Variants in RBFOX3 observed in about 807,000 individuals in gnomAD.
RBFOX3 encodes RNA binding protein fox-1 homolog 3.
In RBFOX3, 17 loss-of-function variants were observed where a neutral mutation model predicts 48.7. That is an observed-to-expected ratio of 0.35 (90% CI 0.24 to 0.52). The LOEUF (loss-of-function observed/expected upper bound fraction) is 0.52. RBFOX3 is among the 20% of genes least tolerant of loss of function. The pLI is 0.94. For missense variants in RBFOX3, 382 were observed against 497.5 expected (o/e 0.77, Z 2.21); for synonymous variants, 212 against 209.5 (o/e 1.01, Z -0.10).
intron 2 of RBFOX3, among the ~76,000 whole-genome samples, chr17:79,463,554 C>T (rs2075824718): frequency 6.9e-6 from 1 of 145,128 alleles, no homozygotes; most frequent in Non-Finnish European, 1.5e-5. Context: ...ACCATCACCA[C>T]TGACACCTCC....
intron 4 of RBFOX3, among the ~76,000 whole-genome samples, chr17:79,118,041 C>G (rs142655152): frequency 3.9e-5 from 6 of 152,050 alleles, no homozygotes; most frequent in African/African-American, 9.7e-5. Flanking sequence ...AGGGTGGGTG[C>G]GCATAGCTGG....
intron 4 of RBFOX3, among the ~76,000 whole-genome samples, chr17:79,232,441 G>A (rs1275187389): frequency 6.6e-6 from 1 of 152,184 alleles, no homozygotes; most frequent in Non-Finnish European, 1.5e-5. Flanking sequence ...CAGGCCAACA[G>A]ATCCAAGAAA....
At chr17:79,496,024 C>T (rs2081483204) in intron 1 of RBFOX3, among the ~76,000 whole-genome samples, 1 of 151,980 alleles carries the variant, frequency 6.6e-6, no homozygotes, top group African/African-American at 2.4e-5. Flanking sequence ...GACATGTTCT[C>T]CGAGACTGGC....
intron 3 of RBFOX3, among the ~76,000 whole-genome samples, chr17:79,296,839 CT>C (rs1245216862): frequency 1.5e-5 from 2 of 129,672 alleles, no homozygotes; most frequent in Non-Finnish European, 1.7e-5. Context: ...TTCCTCCCCC[CT>C]CCTCCCCCTC....
chr17:79,180,900 C>T (rs895849737), intron 4 of RBFOX3, among the ~76,000 whole-genome samples: 1 of 152,150 alleles, frequency 6.6e-6, no homozygotes, highest in African/African-American at 2.4e-5. Flanking sequence ...GCTATGGCTC[C>T]GTGGACATCT....
At chr17:79,559,947 C>G (rs1318588212) in intron 1 of RBFOX3, among the ~76,000 whole-genome samples, 1 of 98,296 alleles carries the variant, frequency 1.0e-5, no homozygotes, top group Non-Finnish European at 2.0e-5. Flanking sequence ...GGTGGATGGT[C>G]GGTGGTGAAT....
At chr17:79,357,665 A>G (rs1327148300) in intron 2 of RBFOX3, among the ~76,000 whole-genome samples, 1 of 142,698 alleles carries the variant, frequency 7.0e-6, no homozygotes, top group Non-Finnish European at 1.5e-5. Context: ...AAACTCTGAA[A>G]GACGACTTCA....
In RBFOX3 at chr17:79,410,695, C is replaced by T. The variant is rs141039496; in HGVS notation, c.-175+71759G>A. On this transcript the variant is annotated intron_variant, in intron 2 of 14. Transcript: ENST00000693108. ...AGTGGCCTTCAGAAAAATGGTGTTG[C>T]TTAAGCCCCTGAGCTGGAGGTGTTT... Among the ~76,000 whole-genome samples, 393 of 152,304 alleles carry T rather than the reference C, an allele frequency of 2.6e-3. 3 individuals are homozygous for T. In the Middle Eastern group the frequency reaches 0.031, roughly 12 times the overall value.
intron 3 of RBFOX3, among the ~76,000 whole-genome samples, chr17:79,276,384 T>TA (rs1310979693): frequency 1.1e-4 from 17 of 152,126 alleles, no homozygotes; most frequent in African/African-American, 4.1e-4. Context: ...AGCTGCTTTT[T>TA]TAAAAAAATA....
intron 1 of RBFOX3, among the ~76,000 whole-genome samples, chr17:79,606,336 A>G (rs386829732): frequency 0.21 from 31,972 of 152,120 alleles, 6,479 homozygotes; most frequent in African/African-American, 0.53. Flanking sequence ...GAGTCCTATC[A>G]CACAGTGGAG....
At chr17:79,151,995 C>T (rs1176785379) in intron 4 of RBFOX3, among the ~76,000 whole-genome samples, 2 of 151,564 alleles carry the variant, frequency 1.3e-5, no homozygotes, top group East Asian at 3.9e-4. Flanking sequence ...CCCCAAGGCC[C>T]CCTGTCCCGC....
At chr17:79,376,381 G>T (rs1013576906) in intron 2 of RBFOX3, among the ~76,000 whole-genome samples, 3 of 152,168 alleles carry the variant, frequency 2.0e-5, no homozygotes, top group Admixed American at 1.3e-4. Context: ...GGAGAGGGAA[G>T]GTGGGGGTGG....
At position 79,106,452 on chromosome 17, in the gene RBFOX3, G is replaced by A. The variant is rs568966991; in HGVS notation, c.360+199C>T. 9.9e-5 allele frequency among the ~76,000 whole-genome samples: 15 copies of A among 152,008 alleles called. No homozygotes were observed. The East Asian group carries it at 1.9e-3, about 20-fold the overall frequency. ...TCAGCTTGAGGCCTTCCTCTTCCCC[G>A]CCACCGTCCCAGCAGGTTCAGGTCA... is the stretch of plus-strand genomic sequence containing the variant. On this transcript the variant is annotated intron_variant, in intron 6 of 14. Transcript: ENST00000693108.
chr17:79,404,098 G>A (rs559735270), intron 2 of RBFOX3, among the ~76,000 whole-genome samples: 1 of 152,268 alleles, frequency 6.6e-6, no homozygotes, highest in Admixed American at 6.5e-5. Flanking sequence ...ATTTTCTATG[G>A]TCCTCTCTTC....
intron 2 of RBFOX3, among the ~76,000 whole-genome samples, chr17:79,387,926 GCGTGTGCATGTGTACA>G (rs889200976): frequency 3.3e-4 from 50 of 152,306 alleles, no homozygotes; most frequent in African/African-American, 1.2e-3. Context: ...GTGCATACAT[GCGTGTGCATGTGTACA>G]TGTGTGCATG....
the RBFOX3 span, among the ~76,000 whole-genome samples, chr17:79,630,280 G>T: frequency 6.6e-6 from 1 of 152,196 alleles, no homozygotes; most frequent in African/African-American, 2.4e-5. Context: ...AAACACGGTC[G>T]GCCAAGCATG....
At chr17:79,537,811 C>A (rs1024321816) in intron 1 of RBFOX3, among the ~76,000 whole-genome samples, 10 of 152,154 alleles carry the variant, frequency 6.6e-5, no homozygotes, top group African/African-American at 2.4e-4. Context: ...TTGGGCCAGG[C>A]CAGCCCCAGG....
intron 4 of RBFOX3, among the ~76,000 whole-genome samples, chr17:79,188,079 A>G (rs971958024): frequency 6.6e-6 from 1 of 152,230 alleles, no homozygotes; most frequent in African/African-American, 2.4e-5. Context: ...CCCTGCAAGC[A>G]GGGGTGAAGC....
chr17:79,197,665 G>A (rs2055923583), intron 4 of RBFOX3, among the ~76,000 whole-genome samples: 1 of 152,000 alleles, frequency 6.6e-6, no homozygotes, highest in Admixed American at 6.6e-5. Flanking sequence ...AAAGTGCTGG[G>A]ATTACAGGCA....
Sources: allele counts gnomAD v4.1 joint callset (sites outside exome capture counted in the v4.1 genomes callset), GRCh38; gene constraint gnomAD v4.1.1; transcripts MANE v1.5; gene names NCBI Gene and HGNC (gene_info 2026-07-23, HGNC 2026-07-21).